Variants in PCDH9 observed in about 807,000 individuals in gnomAD.
PCDH9 encodes protocadherin 9.
A neutral mutation model predicts 70.6 loss-of-function variants in PCDH9; 24 were observed. The ratio of observed to expected loss-of-function variants is 0.34; its 90% CI spans 0.25 to 0.48. PCDH9 has a LOEUF of 0.48. PCDH9 is among the 20% of genes least tolerant of loss of function. PCDH9 has a pLI of 0.99. For missense variants in PCDH9, 1,281 were observed against 1,503.6 expected (o/e 0.85, Z 2.45); for synonymous variants, 562 against 558.5 (o/e 1.01, Z -0.09).
intron 3 of PCDH9, among the ~76,000 whole-genome samples, chr13:66,783,466 G>A (rs2080031921): frequency 6.6e-6 from 1 of 152,002 alleles, no homozygotes; most frequent in Admixed American, 6.6e-5. Context: ...CCTTAAAGGT[G>A]GTATGTGAAG....
chr13:66,350,308 T>A (rs1400072283), intron 4 of PCDH9, among the ~76,000 whole-genome samples: 1 of 152,206 alleles, frequency 6.6e-6, no homozygotes, highest in East Asian at 1.9e-4. Flanking sequence ...CATCTTCAGG[T>A]AATTCCATCT....
chr13:66,912,783 T>C (rs967633213), intron 2 of PCDH9, among the ~76,000 whole-genome samples: 1 of 152,084 alleles, frequency 6.6e-6, no homozygotes, highest in Admixed American at 6.6e-5. Context: ...ATACTTAGCA[T>C]AAATGCATCC....
intron 2 of PCDH9, chr13:67,206,289 C>G (rs1290266568): frequency 1.3e-5 from 2 of 152,374 alleles, no homozygotes; most frequent in African/African-American, 4.8e-5. Flanking sequence ...CCTCAGTCTC[C>G]CGAGTAGCTG....
At chr13:66,351,034 A>G (rs1289759321) in intron 4 of PCDH9, among the ~76,000 whole-genome samples, 1 of 152,234 alleles carries the variant, frequency 6.6e-6, no homozygotes, top group Non-Finnish European at 1.5e-5. Flanking sequence ...GATGGACAGC[A>G]TAGCTCAAAG....
At chr13:67,048,169 T>C (rs1315258517) in intron 2 of PCDH9, among the ~76,000 whole-genome samples, 4 of 152,266 alleles carry the variant, frequency 2.6e-5, no homozygotes, top group South Asian at 2.1e-4. Context: ...TCAAAAAGGA[T>C]CCAAAGACTT....
intron 3 of PCDH9, among the ~76,000 whole-genome samples, chr13:66,634,660 A>G (rs2077614509): frequency 6.6e-6 from 1 of 152,204 alleles, no homozygotes; most frequent in South Asian, 2.1e-4. Context: ...TGTTCCTGCT[A>G]TGCAATACTT....
At chr13:67,080,510 C>G (rs1254074292) in intron 2 of PCDH9, among the ~76,000 whole-genome samples, 12 of 152,054 alleles carry the variant, frequency 7.9e-5, no homozygotes, top group Non-Finnish European at 1.5e-4. Context: ...GCCTGACAAC[C>G]AATGTCCAAA....
intron 3 of PCDH9, among the ~76,000 whole-genome samples, chr13:66,672,038 G>GA (rs930630855): frequency 5.3e-5 from 8 of 152,004 alleles, no homozygotes; most frequent in African/African-American, 1.9e-4. Context: ...GGTATGGGAG[G>GA]AAAAAAATGG....
At chr13:66,774,912 A>G (rs1286122080) in intron 3 of PCDH9, among the ~76,000 whole-genome samples, 1 of 152,030 alleles carries the variant, frequency 6.6e-6, no homozygotes, top group Non-Finnish European at 1.5e-5. Flanking sequence ...CATCCATTTT[A>G]CCCACTAGCT....
At chr13:66,775,087 CTTTGA>C (rs1360047978) in intron 3 of PCDH9, among the ~76,000 whole-genome samples, 1 of 152,102 alleles carries the variant, frequency 6.6e-6, no homozygotes, top group Non-Finnish European at 1.5e-5. Context: ...ACCTGAGCTG[CTTTGA>C]TTTAAGGATT....
chr13:66,440,462 T>C (rs1450484289), intron 4 of PCDH9, among the ~76,000 whole-genome samples: 2 of 152,158 alleles, frequency 1.3e-5, no homozygotes, highest in Non-Finnish European at 2.9e-5. Flanking sequence ...AAATCTGTAA[T>C]GAATATTATA....
chr13:67,099,263 C>T (rs1594510015), intron 2 of PCDH9, among the ~76,000 whole-genome samples: 1 of 152,300 alleles, frequency 6.6e-6, no homozygotes, highest in East Asian at 1.9e-4. Flanking sequence ...TCTGGTTTGA[C>T]AGATCTAAAT....
chr13:66,840,581 T>C (rs1454659273), intron 3 of PCDH9, among the ~76,000 whole-genome samples: 1 of 152,246 alleles, frequency 6.6e-6, no homozygotes, highest in Non-Finnish European at 1.5e-5. Flanking sequence ...ACTAAATAAC[T>C]ACCAGAATTT....
chr13:66,886,022 G>C (rs2081999279), intron 3 of PCDH9: 1 of 152,066 alleles, frequency 6.6e-6, no homozygotes, highest in Non-Finnish European at 1.5e-5. Flanking sequence ...AGCAGGAAAA[G>C]CTTTAACCAT....
At chr13:67,171,779 T>C (rs565122499) in intron 2 of PCDH9, among the ~76,000 whole-genome samples, 3 of 152,276 alleles carry the variant, frequency 2.0e-5, no homozygotes, top group Non-Finnish European at 4.4e-5. Flanking sequence ...AAGTAGTGAT[T>C]ATAATACTTT....
intron 3 of PCDH9, among the ~76,000 whole-genome samples, chr13:66,872,972 G>T (rs2081724746): frequency 6.6e-6 from 1 of 152,140 alleles, no homozygotes; most frequent in Non-Finnish European, 1.5e-5. Flanking sequence ...ATGATAGGAA[G>T]AAGATAGCTT....
At chr13:66,659,977 A>G (rs1357368619) in intron 3 of PCDH9, among the ~76,000 whole-genome samples, 1 of 152,232 alleles carries the variant, frequency 6.6e-6, no homozygotes, top group East Asian at 1.9e-4. Context: ...TCTAAGCTAC[A>G]CCACCTCAAA....
At chr13:66,507,996 C>T (rs1238407752) in intron 4 of PCDH9, among the ~76,000 whole-genome samples, 1 of 152,170 alleles carries the variant, frequency 6.6e-6, no homozygotes, top group African/African-American at 2.4e-5. Flanking sequence ...GCTGGGATTA[C>T]AGGCGTGAGC....
At chr13:66,564,068 T>C (rs1040529555) in intron 4 of PCDH9, among the ~76,000 whole-genome samples, 19 of 152,230 alleles carry the variant, frequency 1.2e-4, no homozygotes, top group African/African-American at 3.6e-4. Flanking sequence ...TGGGAGAAAA[T>C]TGTTATTAAA....
Sources: allele counts gnomAD v4.1 joint callset (sites outside exome capture counted in the v4.1 genomes callset), GRCh38; gene constraint gnomAD v4.1.1; transcripts MANE v1.5; gene names NCBI Gene and HGNC (gene_info 2026-07-23, HGNC 2026-07-21).